The following RBM38 variants were observed in gnomAD, a reference collection of about 807,000 sequenced individuals.
RBM38 encodes the protein RNA-binding protein 38.
A neutral mutation model predicts 23.5 loss-of-function variants in RBM38; 11 were observed. That is an observed-to-expected ratio of 0.47 (90% CI 0.29 to 0.77). The LOEUF is 0.77. Among genes scored for constraint, RBM38 ranks in the 30% least tolerant of loss-of-function variants. The pLI, the probability that RBM38 is intolerant of heterozygous loss-of-function variation, is 0.08. For synonymous variants in RBM38, 165 were observed against 166.1 expected (o/e 0.99, Z 0.05); for missense variants, 330 against 351.9 (o/e 0.94, Z 0.50).
chr20:57,408,326 G>A lies in RBM38; in HGVS notation c.*480G>A, dbSNP rs761178071. The A allele has an allele frequency of 6.9e-5, 12 of 175,168 alleles. No individual in the cohort carries two copies. The East Asian group carries it at 1.4e-3, about 20-fold the overall frequency. The allele number at this position is 175,168 out of a possible 1,614,324, so 10.9% of individuals were successfully genotyped here. On this transcript the variant is annotated 3_prime_UTR_variant, in exon 4 of 4. Coordinates refer to ENST00000356208, the MANE Select transcript of RBM38 (RefSeq NM_017495.6). ...AACTTGATCCTCCCGAGCTGTGAGC[G>A]CAGTCTGAGGTGTGAGGACACGGCC...
intron 3 of RBM38, among the ~76,000 whole-genome samples, chr20:57,397,511 G>A (rs564156377): frequency 1.3e-5 from 2 of 152,306 alleles, no homozygotes; most frequent in African/African-American, 4.8e-5. Context: ...GGACCCCTAC[G>A]TCCTTTGTGT....
chr20:57,401,804 G>A (rs2067330985), intron 3 of RBM38, among the ~76,000 whole-genome samples: 1 of 152,180 alleles, frequency 6.6e-6, no homozygotes, highest in South Asian at 2.1e-4. Flanking sequence ...CAGGGAGGGC[G>A]CAGTGCAAGT....
intron 2 of RBM38, 118 bp downstream of exon 2, chr20:57,392,895 G>T (rs1315873258): frequency 7.3e-7 from 1 of 1,373,476 alleles, no homozygotes; most frequent in Non-Finnish European, 1.0e-6. Flanking sequence ...GCTATCATGT[G>T]CCTGCAGAGC....
At chr20:57,394,749 T>C (rs957151834) in intron 3 of RBM38, among the ~76,000 whole-genome samples, 1 of 151,814 alleles carries the variant, frequency 6.6e-6, no homozygotes, top group Non-Finnish European at 1.5e-5. Flanking sequence ...GAAGAGGGTG[T>C]TCCTTGTTTT....
At chr20:57,392,384 C>T in intron 1 of RBM38, 4 of 1,500,354 alleles carry the variant, frequency 2.7e-6, no homozygotes, top group Non-Finnish European at 2.7e-6. Context: ...TCATTTTTGC[C>T]CTATCCCCGC....
chr20:57,402,940 T>A lies in RBM38; in HGVS notation c.417-4603T>A, dbSNP rs905801857. On this transcript the variant is annotated intron_variant, in intron 3 of 3. Coordinates refer to ENST00000356208, the MANE Select transcript of RBM38 (RefSeq NM_017495.6). ...TTTGCCCTTCCCCTTCCCCATGTGG[T>A]TTCTGATGGTCCACAGTCGGGCGTC... 8.5e-5 allele frequency among the ~76,000 whole-genome samples: 13 copies of A among 152,162 alleles called. 1 individual carries two copies. Among genetic ancestry groups the A allele is most frequent in the Admixed American group, 1.3e-4 (2 of 15,282 alleles).
chr20:57,393,669 G>C (rs1328324597), intron 3 of RBM38, among the ~76,000 whole-genome samples: 2 of 152,168 alleles, frequency 1.3e-5, no homozygotes, highest in Non-Finnish European at 2.9e-5. Context: ...GCCTGGTGCA[G>C]GTAACGCCCT....
chr20:57,395,566 G>A (rs1319751836), intron 3 of RBM38, among the ~76,000 whole-genome samples: 4 of 152,200 alleles, frequency 2.6e-5, no homozygotes, highest in Non-Finnish European at 5.9e-5. Flanking sequence ...AAACAGGGAC[G>A]GTGTCAGAGG....
At chr20:57,404,758 G>A (rs912152514) in intron 3 of RBM38, among the ~76,000 whole-genome samples, 8 of 152,282 alleles carry the variant, frequency 5.3e-5, no homozygotes, top group Non-Finnish European at 8.8e-5. Context: ...GTGGGGCATC[G>A]GGCAGCGTAG....
intron 3 of RBM38, among the ~76,000 whole-genome samples, chr20:57,400,689 T>C (rs1011323082): frequency 1.3e-5 from 2 of 152,138 alleles, no homozygotes; most frequent in African/African-American, 2.4e-5. Context: ...GCCTGGACTT[T>C]GCACACGTGG....
chr20:57,401,911 G>A (rs757750540), intron 3 of RBM38, among the ~76,000 whole-genome samples: 3 of 152,152 alleles, frequency 2.0e-5, no homozygotes, highest in Non-Finnish European at 4.4e-5. Flanking sequence ...GAGGCAGCTG[G>A]AGGGTTCTGC....
At chr20:57,393,697 T>C (rs2067244525) in intron 3 of RBM38, among the ~76,000 whole-genome samples, 1 of 152,234 alleles carries the variant, frequency 6.6e-6, no homozygotes, top group African/African-American at 2.4e-5. Flanking sequence ...TGTTTGCTGA[T>C]GACTCTTAGG....
chr20:57,402,477 G>T (rs1295351088), intron 3 of RBM38, among the ~76,000 whole-genome samples: 1 of 152,234 alleles, frequency 6.6e-6, no homozygotes, highest in East Asian at 1.9e-4. Context: ...GCTCTTCACT[G>T]AGGTGGAGAG....
chr20:57,403,381 G>A (rs1160653160), intron 3 of RBM38, among the ~76,000 whole-genome samples: 1 of 152,222 alleles, frequency 6.6e-6, no homozygotes, highest in African/African-American at 2.4e-5. Flanking sequence ...GGGCTTCGTG[G>A]CTGCTTCTAC....
chr20:57,395,949 G>T (rs947389533), intron 3 of RBM38, among the ~76,000 whole-genome samples: 1 of 152,244 alleles, frequency 6.6e-6, no homozygotes, highest in Non-Finnish European at 1.5e-5. Flanking sequence ...GCAGCTGAGG[G>T]TTGTCCACCA....
intron 1 of RBM38, chr20:57,392,238 C>A (rs2067227132): frequency 2.8e-6 from 1 of 361,906 alleles, no homozygotes; most frequent in Non-Finnish European, 5.3e-6. Flanking sequence ...AAATAAACAT[C>A]AGCTTAAGTA....
intron 3 of RBM38, among the ~76,000 whole-genome samples, chr20:57,396,488 G>T (rs1049246273): frequency 1.9e-4 from 29 of 152,344 alleles, no homozygotes; most frequent in African/African-American, 6.7e-4. Flanking sequence ...GGCACCGGGA[G>T]CAGAGGTTTG....
At position 57,407,291 on chromosome 20, in the gene RBM38, G is replaced by T. The variant is rs968305230; in HGVS notation, c.417-252G>T. On this transcript the variant is annotated intron_variant, in intron 3 of 3. Coordinates refer to ENST00000356208, the MANE Select transcript of RBM38 (RefSeq NM_017495.6). This position sits in a 1 kb window ranked among gnomAD's most constrained non-coding sequence, Gnocchi z 4.0. ...GTGGGGTGTAGGGCTGGGATGCGGG[G>T]GTGCAGTCTGGGAAGGCCTTGCTGA... 5.9e-5 allele frequency among the ~76,000 whole-genome samples: 9 copies of T among 152,278 alleles called. No homozygotes were observed. The highest frequency in any genetic ancestry group is 2.2e-4 in the African/African-American group (9 of 41,548).
At chr20:57,401,971 C>T (rs1311619393) in intron 3 of RBM38, among the ~76,000 whole-genome samples, 4 of 152,074 alleles carry the variant, frequency 2.6e-5, no homozygotes, top group Admixed American at 2.0e-4. Context: ...TTTTTTGAAA[C>T]GGAGTCTCGC....
Sources: allele counts gnomAD v4.1 joint callset (sites outside exome capture counted in the v4.1 genomes callset), GRCh38; gene constraint gnomAD v4.1.1; non-coding constraint Gnocchi (gnomAD v3.1); transcripts MANE v1.5; gene names NCBI Gene and HGNC (gene_info 2026-07-23, HGNC 2026-07-21).